TMPRSS9: variants seen among roughly 807,000 people sequenced by gnomAD.
TMPRSS9 encodes the protein transmembrane protease serine 9.
TMPRSS9 carries 113 observed loss-of-function variants against 111.4 expected under a neutral mutation model. That is an observed-to-expected ratio of 1.01 (90% CI 0.87 to 1.19). The LOEUF (loss-of-function observed/expected upper bound fraction) is 1.19. Ranked by LOEUF, TMPRSS9 falls within the 50% of genes most tolerant of loss-of-function variation. The pLI, the probability that TMPRSS9 is intolerant of heterozygous loss-of-function variation, is 0.00. For synonymous variants in TMPRSS9, 805 were observed against 659.1 expected (o/e 1.22, Z -3.39); for missense variants, 1,803 against 1,513.1 (o/e 1.19, Z -3.18).
At chr19:2,360,518 A>AC (rs1970186139) in intron 1 of TMPRSS9, among the ~76,000 whole-genome samples, 158 bp downstream of exon 1, 1 of 152,010 alleles carries the variant, frequency 6.6e-6, no homozygotes, top group South Asian at 2.1e-4. Context: ...TGTAGACACC[A>AC]CCGGGGTTGT....
At position 2,383,281 on chromosome 19, in the gene TMPRSS9, G is replaced by A. The variant is rs151216139; in HGVS notation, c.-25-6480G>A. On this transcript the variant is annotated intron_variant, in intron 1 of 17. Coordinates refer to the TMPRSS9 transcript ENST00000649857. ...AGGCACAAGAATTGCTTGAACCTGG[G>A]AGGCAGAGTTTGCAGTGAGCCAAGA... Among the ~76,000 whole-genome samples the A allele has an allele frequency of 6.5e-3, 986 of 151,954 alleles. 22 individuals are homozygous for A. The highest frequency in any genetic ancestry group is 0.045 in the Admixed American group (690 of 15,210).
At chr19:2,384,101 ACC>A (rs1970423360) in intron 1 of TMPRSS9, among the ~76,000 whole-genome samples, 1 of 151,778 alleles carries the variant, frequency 6.6e-6, no homozygotes, top group South Asian at 2.1e-4. Context: ...CGTCCAGGGG[ACC>A]CCGCCCGGGG....
Position 2,403,947 on chromosome 19 carries a change from C to A in TMPRSS9, c.670+752C>A, listed in dbSNP as rs538959056. Among the ~76,000 whole-genome samples the A allele has an allele frequency of 2.9e-4, 42 of 143,436 alleles. 1 individual carries two copies. In the East Asian group the frequency reaches 8.3e-3, roughly 28 times the overall value. The allele number at this position is 143,436 out of a possible 152,430, so 94.1% of individuals were successfully genotyped here. On this transcript the variant is annotated intron_variant, in intron 6 of 17. Transcript: ENST00000648592. ...GGTGGAGCTTGCAGTGAGCCAAGAT[C>A]ACGCCACTGCACTCCAGCCTGGCAA...
intron 10 of TMPRSS9, among the ~76,000 whole-genome samples, chr19:2,414,789 C>G (rs1240719962): frequency 6.7e-6 from 1 of 150,360 alleles, no homozygotes; most frequent in Non-Finnish European, 1.5e-5. Flanking sequence ...ATCGCTTGAA[C>G]CCAGGAAGCG....
upstream of TMPRSS9, among the ~76,000 whole-genome samples, chr19:2,386,195 C>T (rs1413773294): frequency 6.6e-6 from 1 of 152,168 alleles, no homozygotes; most frequent in Non-Finnish European, 1.5e-5. Context: ...AGCGATTGTC[C>T]TGCCGCGGCC....
intron 1 of TMPRSS9, among the ~76,000 whole-genome samples, chr19:2,392,917 T>A (rs1269558290): frequency 6.6e-6 from 1 of 152,186 alleles, no homozygotes; most frequent in Admixed American, 6.6e-5. Flanking sequence ...TGTGTCTAGC[T>A]AATCTAGTGG....
chr19:2,425,121 T>C (rs1440513833), exon 16 of TMPRSS9: 5 of 1,582,940 alleles, frequency 3.2e-6, no homozygotes, highest in Non-Finnish European at 2.6e-6. Flanking sequence ...CTCTACACGC[T>C]CGACTACGAC....
intron 7 of TMPRSS9, among the ~76,000 whole-genome samples, chr19:2,405,929 C>G (rs1970959544): frequency 6.6e-6 from 1 of 151,302 alleles, no homozygotes; most frequent in East Asian, 2.0e-4. Context: ...ATCTCCTGAC[C>G]TTGTGATCTG....
At chr19:2,408,479 G>A (rs1971019570) in exon 8 of TMPRSS9, 5 of 1,613,804 alleles carry the variant, frequency 3.1e-6, no homozygotes, top group African/African-American at 2.7e-5. Context: ...ACGCGGACAC[G>A]GCCGACTTTG....
chr19:2,373,265 C>G (rs1404275544), intron 1 of TMPRSS9, among the ~76,000 whole-genome samples: 2 of 152,202 alleles, frequency 1.3e-5, no homozygotes, highest in African/African-American at 2.4e-5. Context: ...CAGTCTCACT[C>G]TGTCGCCCAG....
intron 5 of TMPRSS9, among the ~76,000 whole-genome samples, 197 bp downstream of exon 6, chr19:2,402,213 C>T (rs1365311262): frequency 6.7e-6 from 1 of 149,058 alleles, no homozygotes; most frequent in African/African-American, 2.5e-5. Context: ...GACAACAGAG[C>T]GAGACCCTAT....
chr19:2,413,202 AAAAC>A (rs756592223), intron 9 of TMPRSS9, among the ~76,000 whole-genome samples: 3 of 152,260 alleles, frequency 2.0e-5, no homozygotes, highest in African/African-American at 4.8e-5. Context: ...CTCAAAAACA[AAAAC>A]AAACAAAAAA....
In TMPRSS9 at chr19:2,418,091, C is replaced by T. The variant is rs770483367; in HGVS notation, c.2107C>T (p.Arg703Cys). 4.0e-5 allele frequency: 65 copies of T among 1,612,178 alleles called. 1 individual carries two copies. The highest frequency in any genetic ancestry group is 2.0e-4 in the South Asian group (18 of 91,086). Reference sequence around the variant, plus strand: ...GCTCTACAACTTCTCCCTCACAGACCGCATGATCTGCGCAGGCTTCCTGGA... The same window carrying T: ...GCTCTACAACTTCTCCCTCACAGACTGCATGATCTGCGCAGGCTTCCTGGA... The change falls in exon 13 of 18, where the codon CGC becomes TGC. Residue 703 changes from arginine (R) to cysteine (C), a missense_variant. Arg to Cys is a radical substitution (Grantham distance 180). Coordinates refer to ENST00000648592, the Ensembl canonical transcript of TMPRSS9.
exon 16 of TMPRSS9, chr19:2,425,078 G>C (rs1452689120): frequency 6.3e-7 from 1 of 1,576,020 alleles, no homozygotes; most frequent in Non-Finnish European, 8.6e-7. Context: ...GCTGGAGCGC[G>C]TGGCGCGCAT....
At chr19:2,382,445 A>G (rs748837871) in intron 1 of TMPRSS9, among the ~76,000 whole-genome samples, 9 of 152,198 alleles carry the variant, frequency 5.9e-5, no homozygotes, top group Admixed American at 1.3e-4. Context: ...ACATTTTTTT[A>G]GTAGGAGTCG....
At chr19:2,386,384 A>G (rs2145272276), upstream of TMPRSS9, among the ~76,000 whole-genome samples, 1 of 152,062 alleles carries the variant, frequency 6.6e-6, no homozygotes, top group East Asian at 1.9e-4. Flanking sequence ...GGGCGCCTGT[A>G]GTCCCAGCTA....
intron 6 of TMPRSS9, 142 bp downstream of exon 7, chr19:2,403,337 G>A: frequency 1.5e-6 from 1 of 685,404 alleles, no homozygotes; most frequent in Middle Eastern, 4.0e-4. Context: ...AAAAGAAAGG[G>A]GCACCCATGG....
intron 15 of TMPRSS9, 67 bp from the exon 17 acceptor site, chr19:2,424,935 A>T (rs1971570931): frequency 1.5e-6 from 2 of 1,365,932 alleles, no homozygotes. Context: ...CCGCTGGGGG[A>T]CACCACAGGG....
rs768796538 is a variant in TMPRSS9 at position 2,425,467 on chromosome 19, C to T, written c.3094C>T (p.Pro1032Ser). Residue 1032 changes from proline (P) to serine (S), a missense_variant, in exon 17 of 18, where the codon CCG becomes TCG. Pro to Ser is a moderately conservative substitution (Grantham distance 74, BLOSUM62 -1). Transcript: ENST00000648592. ...CAGCCGCATGCTGTGTGCCGGCTTC[C>T]CGCAGGGTGGCGTGGACAGCTGCTC... 3 of 1,591,354 alleles carry T rather than the reference C, an allele frequency of 1.9e-6. No individual in the cohort carries two copies. The South Asian group carries it at 3.4e-5, about 18-fold the overall frequency.
Sources: allele counts gnomAD v4.1 joint callset (sites outside exome capture counted in the v4.1 genomes callset), GRCh38; gene constraint gnomAD v4.1.1; transcripts MANE v1.5; gene names NCBI Gene and HGNC (gene_info 2026-07-23, HGNC 2026-07-21).